Variants in PCM1 observed in about 807,000 individuals in gnomAD.
PCM1 encodes the protein pericentriolar material 1.
Under a neutral mutation model 241.9 loss-of-function variants are expected in PCM1, and 157 were observed. That is an observed-to-expected ratio of 0.65 (90% CI 0.57 to 0.74). The LOEUF is 0.74. Among genes scored for constraint, PCM1 ranks in the 30% least tolerant of loss-of-function variants. PCM1 has a pLI of 0.00. For missense variants in PCM1, 3,478 were observed against 2,360.1 expected (o/e 1.47, Z -9.81); for synonymous variants, 1,085 against 784.9 (o/e 1.38, Z -6.39).
chr8:17,940,559 T>G lies in PCM1; in HGVS notation c.783+698T>G, dbSNP rs569278675. ...GGAAATAACCAAGTTCATTTGTCAC[T>G]GAGGACACGTTAAGGATATTAGAAT... On this transcript the variant is annotated intron_variant, in intron 6 of 38. Coordinates refer to ENST00000325083, the MANE Select transcript of PCM1 (RefSeq NM_006197.4). Among the ~76,000 whole-genome samples, 354 of 152,278 alleles carry G rather than the reference T, an allele frequency of 2.3e-3. 2 individuals are homozygous for G. The highest frequency in any genetic ancestry group is 3.3e-3 in the Non-Finnish European group (227 of 67,998).
chr8:17,950,860 C>G (rs2129458332), intron 8 of PCM1, 136 bp downstream of exon 8: 1 of 630,244 alleles, frequency 1.6e-6, no homozygotes, highest in Admixed American at 3.3e-5. Flanking sequence ...TGGGGTCCCC[C>G]CCACCTTCAA....
In PCM1 at chr8:18,029,350, T is replaced by C. The variant is rs1014041022; in HGVS notation, c.*1688T>C. ...ACCAATTCAGAATTCGGAGTTCTTA[T>C]CCAGGTGCTCTAACTAACTTCAGGG... is the stretch of plus-strand genomic sequence containing the variant. On this transcript the variant is annotated 3_prime_UTR_variant, in exon 39 of 39. Transcript: ENST00000325083. 5.7e-5 allele frequency: 12 copies of C among 211,538 alleles called. No individual in the cohort carries two copies. Among genetic ancestry groups the C allele is most frequent in the Non-Finnish European group, 9.6e-5 (10 of 104,430 alleles). 13.1% of individuals were successfully genotyped at this position (211,538 alleles called of 1,614,324 possible).
intron 36 of PCM1, among the ~76,000 whole-genome samples, chr8:18,016,566 C>T (rs2093228073): frequency 6.6e-6 from 1 of 152,144 alleles, no homozygotes; most frequent in Non-Finnish European, 1.5e-5. Context: ...ATACAGGCTT[C>T]TAAAAGACAT....
rs778591287 is a variant in PCM1, at chr8:17,967,081, C to T, written c.3323C>T (p.Pro1108Leu). ...AGTAGTGCATCGCACCCTCCTTCTCCCAGTTTATTTTGTCCTTTCAGCTTT... is the reference window on the plus strand; with the variant it reads ...AGTAGTGCATCGCACCCTCCTTCTCTCAGTTTATTTTGTCCTTTCAGCTTT... ...RGSSASHPPSPSLFCPFSFPT... is the reference protein window; with the variant it reads ...RGSSASHPPSLSLFCPFSFPT... Residue 1108 changes from proline (P) to leucine (L), a missense_variant, in exon 21 of 39, where the codon CCC (proline) becomes CTC (leucine). By Grantham distance (98) the Pro-to-Leu change is moderately conservative. Transcript: ENST00000325083. The T allele has an allele frequency of 2.5e-6, 4 of 1,608,842 alleles. No homozygotes were observed. Among genetic ancestry groups the T allele is most frequent in the Non-Finnish European group, 3.4e-6 (4 of 1,177,418 alleles).
intron 18 of PCM1, among the ~76,000 whole-genome samples, chr8:17,965,086 A>G (rs973311107): frequency 6.6e-6 from 1 of 151,752 alleles, no homozygotes; most frequent in Non-Finnish European, 1.5e-5. Flanking sequence ...AATACAGGAA[A>G]AGACTTACTT....
Position 17,965,995 on chromosome 8 carries a change from T to A in PCM1, c.2856-4T>A. 1 of 1,603,270 alleles carries A rather than the reference T, an allele frequency of 6.2e-7. No homozygotes were observed. The highest frequency in any genetic ancestry group is 1.1e-5 in the South Asian group (1 of 89,594). On this transcript the variant is annotated splice_region_variant and splice_polypyrimidine_tract_variant and intron_variant, in intron 18 of 38. Coordinates refer to ENST00000325083, the MANE Select transcript of PCM1 (RefSeq NM_006197.4). ...ATGACTTAATGCTTTCAATCTTGTG[T>A]TAGGTGGAAGAACAATTGCCCTTTT...
chr8:17,965,268 C>T (rs953011275), intron 18 of PCM1, among the ~76,000 whole-genome samples: 10 of 152,078 alleles, frequency 6.6e-5, no homozygotes, highest in African/African-American at 1.7e-4. Flanking sequence ...ATTCTGTTTA[C>T]GGTTTTTTAG....
chr8:17,969,724 C>T lies in PCM1; in HGVS notation c.3560C>T (p.Ser1187Phe), dbSNP rs778874077. 5.0e-6 allele frequency: 8 copies of T among 1,599,434 alleles called. No individual in the cohort carries two copies. The highest frequency in any genetic ancestry group is 4.4e-5 in the South Asian group (4 of 90,378). ...TTTCCAAAACCTTTTGAAAGCAGTT[C>T]CTCTATTGGAGCAGAGAAACCAAGG... ...MAFPKPFESS[S>F]SIGAEKPRNK... The change falls in exon 22 of 39, where the codon TCC becomes TTC. Residue 1187 changes from serine (S) to phenylalanine (F), a missense_variant. By Grantham distance (155) the Ser-to-Phe change is radical. Transcript: ENST00000325083.
chr8:17,954,651 AC>A (rs2067364464), intron 9 of PCM1, among the ~76,000 whole-genome samples: 1 of 152,190 alleles, frequency 6.6e-6, no homozygotes, highest in Admixed American at 6.5e-5. Flanking sequence ...GAATTGTGGT[AC>A]TAAAGTGAGC....
intron 24 of PCM1, among the ~76,000 whole-genome samples, chr8:17,984,512 ATATCT>A (rs528441812): frequency 7.3e-4 from 111 of 151,950 alleles, no homozygotes; most frequent in African/African-American, 1.9e-3. Context: ...TTTTCTATTG[ATATCT>A]TATATTAGTA....
intron 8 of PCM1, among the ~76,000 whole-genome samples, chr8:17,952,411 T>C (rs1199693386): frequency 6.6e-6 from 1 of 152,126 alleles, no homozygotes; most frequent in Non-Finnish European, 1.5e-5. Context: ...TTGATTCAAT[T>C]ACTGATGTCT....
At chr8:18,009,421 A>G (rs962294052) in intron 30 of PCM1, 126 bp from the exon 31 acceptor site, 1 of 649,094 alleles carries the variant, frequency 1.5e-6, no homozygotes, top group Non-Finnish European at 2.6e-6. Flanking sequence ...CTTTAGTAAT[A>G]CTAACAACCT....
intron 36 of PCM1, chr8:18,024,989 C>G (rs1352688456): frequency 6.2e-6 from 1 of 161,146 alleles, no homozygotes; most frequent in East Asian, 1.8e-4. Flanking sequence ...AGAGTTGATA[C>G]ACTGAAAAGT....
intron 9 of PCM1, 22 bp downstream of exon 9, chr8:17,953,208 G>A (rs1472506311): frequency 1.5e-6 from 2 of 1,333,454 alleles, no homozygotes; most frequent in African/African-American, 1.4e-5. Context: ...TGGTTCAGCA[G>A]TATTGGGTAT....
Position 17,967,016 on chromosome 8 carries a change from A to C in PCM1, c.3258A>C (p.Gln1086His). Residue 1086 changes from glutamine (Q) to histidine (H), a missense_variant, in exon 21 of 39, where the codon CAA becomes CAC. Gln to His is a conservative substitution (Grantham distance 24). Transcript: ENST00000325083. ...KQMLNELMRQ[Q>H]NQHPEKPGGK... is the part of the protein sequence containing the mutation. ...TGCTAAATGAACTTATGCGCCAGCA[A>C]AATCAGCATCCAGAAAAACCTGGAG... The C allele has an allele frequency of 6.2e-7, 1 of 1,608,980 alleles. No individual in the cohort carries two copies. Among genetic ancestry groups the C allele is most frequent in the Non-Finnish European group, 8.5e-7 (1 of 1,177,490 alleles).
chr8:17,978,573 C>T (rs1205565445), intron 23 of PCM1, among the ~76,000 whole-genome samples: 1 of 152,052 alleles, frequency 6.6e-6, no homozygotes, highest in Admixed American at 6.6e-5. Context: ...AATGACGCTA[C>T]ACAGTTGACA....
intron 7 of PCM1, among the ~76,000 whole-genome samples, chr8:17,949,131 A>C (rs1022655393): frequency 1.3e-5 from 2 of 152,228 alleles, no homozygotes; most frequent in African/African-American, 4.8e-5. Flanking sequence ...TATAATGCAC[A>C]TGAGTTTGAA....
At chr8:18,005,821 C>T (rs1220978224) in intron 29 of PCM1, among the ~76,000 whole-genome samples, 1 of 151,894 alleles carries the variant, frequency 6.6e-6, no homozygotes, top group East Asian at 1.9e-4. Flanking sequence ...CTACAATGCA[C>T]AGGATGTCAA....
chr8:17,968,516 T>C (rs938287876), intron 21 of PCM1, among the ~76,000 whole-genome samples: 2 of 151,970 alleles, frequency 1.3e-5, no homozygotes, highest in Middle Eastern at 3.2e-3. Flanking sequence ...AAAGACATTA[T>C]AGTGATAGAG....
Sources: gnomAD v4.1 joint callset for allele counts (sites outside exome capture counted in the v4.1 genomes callset) on GRCh38, gnomAD v4.1.1 for gene constraint, MANE v1.5 for transcripts, NCBI Gene and HGNC (gene_info 2026-07-23, HGNC 2026-07-21) for gene names.